The following SLC7A2 variants were observed in gnomAD, a reference collection of about 807,000 sequenced individuals.
SLC7A2 encodes the protein cationic amino acid transporter 2.
In SLC7A2, 48 loss-of-function variants were observed where a neutral mutation model predicts 58.9. That is an observed-to-expected ratio of 0.82 (90% CI 0.65 to 1.04). The LOEUF (loss-of-function observed/expected upper bound fraction) is 1.04, where lower values mean the gene tolerates loss of function less well. SLC7A2 is among the 50% of genes least tolerant of loss of function. SLC7A2 has a pLI of 0.00. For synonymous variants in SLC7A2, 363 were observed against 314.5 expected (o/e 1.15, Z -1.63); for missense variants, 1,029 against 818.8 (o/e 1.26, Z -3.13).
chr8:17,553,599 G>A (rs541602045), intron 7 of SLC7A2, among the ~76,000 whole-genome samples: 6 of 151,962 alleles, frequency 3.9e-5, no homozygotes, highest in East Asian at 1.9e-4. Flanking sequence ...AGCAAGGCTC[G>A]GTCTCCACAA....
chr8:17,562,083 C>CCAGAAT lies in SLC7A2; in HGVS notation c.1648_1653dup (p.Asn550_Gln551dup), dbSNP rs1343340360. 1 of 1,613,520 alleles carries CCAGAAT rather than the reference C, an allele frequency of 6.2e-7. No homozygotes were observed. Among genetic ancestry groups the CCAGAAT allele is most frequent in the East Asian group, 2.2e-5 (1 of 44,854 alleles). On this transcript the variant is annotated inframe_insertion, in exon 11 of 13. Transcript: ENST00000494857. ...TCGTTCTCACCATCTGGAGGCAGCC[C>CCAGAAT]CAGAATCAGCAAAAAGTAGCCTTCA...
chr8:17,544,696 C>G, intron 4 of SLC7A2, 90 bp downstream of exon 4: 1 of 1,102,332 alleles, frequency 9.1e-7, no homozygotes. Context: ...GCCTGAGTTC[C>G]CAAGATGAGA....
At chr8:17,519,722 G>A (rs2150685685) in intron 2 of SLC7A2, among the ~76,000 whole-genome samples, 1 of 152,214 alleles carries the variant, frequency 6.6e-6, no homozygotes. Flanking sequence ...GTTTACTTCA[G>A]GGTCACTTAC....
Position 17,565,398 on chromosome 8 carries a change from G to T in SLC7A2, c.*252G>T, listed in dbSNP as rs1442883858. 4.7e-6 allele frequency: 2 copies of T among 424,612 alleles called. No individual in the cohort carries two copies. The highest frequency in any genetic ancestry group is 4.0e-5 in the African/African-American group (2 of 50,214). 26.3% of individuals were successfully genotyped at this position (424,612 alleles called of 1,614,324 possible). A position where few individuals can be genotyped will look rare whatever the true frequency, so the allele number is the denominator to read the frequency against. ...ACAGTGGGAGTGTGTATGTATGTGT[G>T]TATGTATGTATCTATGTATATGCTT... is the stretch of plus-strand genomic sequence containing the variant. On this transcript the variant is annotated 3_prime_UTR_variant, in exon 13 of 13. Coordinates refer to ENST00000494857, the MANE Select transcript of SLC7A2 (RefSeq NM_001370338.1).
At chr8:17,552,124 T>C in intron 7 of SLC7A2, 138 bp downstream of exon 7, 1 of 657,766 alleles carries the variant, frequency 1.5e-6, no homozygotes. Flanking sequence ...ATTGATTGGC[T>C]TGCTCAGAAT....
upstream of SLC7A2, among the ~76,000 whole-genome samples, chr8:17,496,275 T>C (rs1314968853): frequency 6.6e-6 from 1 of 152,074 alleles, no homozygotes; most frequent in Non-Finnish European, 1.5e-5. Flanking sequence ...TGAGCCACGA[T>C]TGTGTCACTG....
At position 17,522,534 on chromosome 8, in the gene SLC7A2, C is replaced by T. The variant is rs140336264; in HGVS notation, c.-23+20232C>T. Among the ~76,000 whole-genome samples, 30 of 152,228 alleles carry T rather than the reference C, an allele frequency of 2.0e-4. No homozygotes were observed. The East Asian group carries it at 5.4e-3, about 27-fold the overall frequency. On this transcript the variant is annotated intron_variant, in intron 2 of 12. Coordinates refer to ENST00000494857, the MANE Select transcript of SLC7A2 (RefSeq NM_001370338.1). Reference sequence around the variant, plus strand: ...GGACAGAGACTGGGGAGGATTCTTACTATATTTTATCACATTTTCTCAGAC... The same window carrying T: ...GGACAGAGACTGGGGAGGATTCTTATTATATTTTATCACATTTTCTCAGAC...
At chr8:17,528,403 G>A (rs556995038) in intron 2 of SLC7A2, among the ~76,000 whole-genome samples, 1 of 151,818 alleles carries the variant, frequency 6.6e-6, no homozygotes, top group African/African-American at 2.4e-5. Context: ...TGTTTTTTTA[G>A]AGACAGGGTC....
intron 2 of SLC7A2, among the ~76,000 whole-genome samples, chr8:17,504,366 C>G (rs74987261): frequency 0.071 from 10,854 of 152,220 alleles, 554 homozygotes; most frequent in Non-Finnish European, 0.1. Context: ...GAAACCCTTA[C>G]CTTTCAATTA....
chr8:17,527,025 A>G (rs2705072), intron 2 of SLC7A2, among the ~76,000 whole-genome samples: 80,243 of 151,784 alleles, frequency 0.53, 21,638 homozygotes, highest in Middle Eastern at 0.6. Flanking sequence ...GTGGCATGCC[A>G]TGGTACTCTG....
At chr8:17,563,077 A>T (rs1803096651) in intron 11 of SLC7A2, among the ~76,000 whole-genome samples, 1 of 152,238 alleles carries the variant, frequency 6.6e-6, no homozygotes, top group Non-Finnish European at 1.5e-5. Context: ...CAGGAGTTCA[A>T]GGCTGCAGTG....
At chr8:17,523,803 A>G (rs1217415147) in intron 2 of SLC7A2, among the ~76,000 whole-genome samples, 2 of 152,246 alleles carry the variant, frequency 1.3e-5, no homozygotes, top group Non-Finnish European at 2.9e-5. Context: ...AGCAAAAGAA[A>G]TAATCAGCAG....
At chr8:17,516,258 C>T (rs977643571) in intron 2 of SLC7A2, among the ~76,000 whole-genome samples, 1 of 151,278 alleles carries the variant, frequency 6.6e-6, no homozygotes, top group Non-Finnish European at 1.5e-5. Context: ...TGGAATCTCG[C>T]TCTGTCGCCC....
intron 2 of SLC7A2, among the ~76,000 whole-genome samples, chr8:17,535,559 G>C (rs765825524): frequency 6.6e-6 from 1 of 152,184 alleles, no homozygotes; most frequent in Middle Eastern, 3.2e-3. Context: ...CTGATAGGGT[G>C]CCTCAAGTAT....
chr8:17,497,871 T>C (rs1800014863), intron 1 of SLC7A2, among the ~76,000 whole-genome samples: 1 of 152,200 alleles, frequency 6.6e-6, no homozygotes, highest in South Asian at 2.1e-4. Context: ...ATAAGCCCGT[T>C]TCATGAAACG....
rs764659395 is a variant in SLC7A2 at position 17,554,701 on chromosome 8, TGA to T, written c.1195+10_1195+11del. The T allele has an allele frequency of 1.9e-6, 3 of 1,602,840 alleles. No individual in the cohort carries two copies. Among genetic ancestry groups the T allele is most frequent in the Admixed American group, 3.5e-5 (2 of 57,258 alleles). The stretch of plus-strand genomic sequence containing the variant: ...CTTTATCATCGGGTGCAGTGGCAGG[TGA>T]GAGAGAGTTGACTTTTCTTCAGAAA... On this transcript the variant is annotated splice_donor_region_variant and intron_variant, in intron 8 of 12. Coordinates refer to ENST00000494857, the MANE Select transcript of SLC7A2 (RefSeq NM_001370338.1).
chr8:17,539,365 A>T (rs563971932), intron 2 of SLC7A2, among the ~76,000 whole-genome samples: 1 of 152,320 alleles, frequency 6.6e-6, no homozygotes, highest in Non-Finnish European at 1.5e-5. Flanking sequence ...CACATGTATC[A>T]TTAGGCTCAT....
At position 17,562,000 on chromosome 8, in the gene SLC7A2, A is replaced by G. The variant is rs781212803; in HGVS notation, c.1561A>G (p.Arg521Gly). The G allele has an allele frequency of 1.2e-6, 2 of 1,614,102 alleles. No homozygotes were observed. The highest frequency in any genetic ancestry group is 3.3e-5 in the Admixed American group (2 of 60,014). ...LTTYGVHAIT[R>G]LEAWSLALLA... ...CACTTACGGAGTTCATGCCATCACC[A>G]GGCTGGAGGCCTGGAGCCTCGCTCT... Residue 521 changes from arginine to glycine, a missense_variant, in exon 11 of 13, where the codon AGG becomes GGG. Coordinates refer to ENST00000494857, the MANE Select transcript of SLC7A2 (RefSeq NM_001370338.1).
Position 17,527,978 on chromosome 8 carries a change from C to T in SLC7A2, c.-22-15340C>T, listed in dbSNP as rs949541597. Among the ~76,000 whole-genome samples, 7 of 151,932 alleles carry T rather than the reference C, an allele frequency of 4.6e-5. 1 individual carries two copies. The highest frequency in any genetic ancestry group is 4.6e-4 in the Admixed American group (7 of 15,250). Reference sequence around the variant, plus strand: ...TAGAGTTCTGTGAGAACAGGGTGACCTAATTTAGCTCAAGGGAGTGTCAGG... The same window carrying T: ...TAGAGTTCTGTGAGAACAGGGTGACTTAATTTAGCTCAAGGGAGTGTCAGG... On this transcript the variant is annotated intron_variant, in intron 2 of 12. Transcript: ENST00000494857.
Sources: allele counts gnomAD v4.1 joint callset (sites outside exome capture counted in the v4.1 genomes callset), GRCh38; gene constraint gnomAD v4.1.1; transcripts MANE v1.5; gene names NCBI Gene and HGNC (gene_info 2026-07-23, HGNC 2026-07-21).